The following PBX3 variants were observed in gnomAD, a reference collection of about 807,000 sequenced individuals.
PBX3 encodes the protein pre-B-cell leukemia transcription factor 3.
A neutral mutation model predicts 48.5 loss-of-function variants in PBX3; 14 were observed. That is an observed-to-expected ratio of 0.29 (90% CI 0.19 to 0.45). PBX3 has a LOEUF of 0.45. PBX3 is among the 20% of genes least tolerant of loss of function. The pLI, the probability that PBX3 is intolerant of heterozygous loss-of-function variation, is 1.00. For synonymous variants in PBX3, 210 were observed against 200.3 expected (o/e 1.05, Z -0.41); for missense variants, 386 against 546.7 (o/e 0.71, Z 2.93).
intron 2 of PBX3, among the ~76,000 whole-genome samples, chr9:125,861,520 A>G (rs963695755): frequency 4.6e-5 from 7 of 152,200 alleles, no homozygotes; most frequent in African/African-American, 1.4e-4. Flanking sequence ...TGCAGAAAAA[A>G]AATCACAGAT....
intron 2 of PBX3, among the ~76,000 whole-genome samples, chr9:125,831,231 C>T (rs1360137055): frequency 6.6e-6 from 1 of 152,146 alleles, no homozygotes; most frequent in Non-Finnish European, 1.5e-5. Flanking sequence ...AACGTTTAGT[C>T]ATCTTACTTT....
At chr9:125,773,637 A>G (rs1407029314) in intron 2 of PBX3, among the ~76,000 whole-genome samples, 1 of 152,230 alleles carries the variant, frequency 6.6e-6, no homozygotes, top group Non-Finnish European at 1.5e-5. Context: ...AGGAGAAAAC[A>G]AGGGCGTCTG....
intron 2 of PBX3, among the ~76,000 whole-genome samples, chr9:125,805,636 G>T (rs779071401): frequency 6.6e-6 from 1 of 152,166 alleles, no homozygotes; most frequent in African/African-American, 2.4e-5. Flanking sequence ...CTTGGAGATG[G>T]AACTTGGAAA....
At chr9:125,793,374 T>A (rs1486912776) in intron 2 of PBX3, among the ~76,000 whole-genome samples, 5 of 135,028 alleles carry the variant, frequency 3.7e-5, no homozygotes, top group African/African-American at 1.4e-4. Context: ...AAAATATATA[T>A]ATATATATAT....
intron 2 of PBX3, among the ~76,000 whole-genome samples, chr9:125,816,239 C>G (rs1163770524): frequency 6.6e-6 from 1 of 152,136 alleles, no homozygotes; most frequent in African/African-American, 2.4e-5. Context: ...CTCAAGTGAT[C>G]TGTGTGCCTT....
intron 2 of PBX3, among the ~76,000 whole-genome samples, chr9:125,897,052 T>C (rs1222343388): frequency 6.6e-6 from 1 of 151,862 alleles, no homozygotes; most frequent in African/African-American, 2.4e-5. Flanking sequence ...CTAAATGCTA[T>C]TGACTTTTGG....
rs563471868 is a variant in PBX3 at position 125,809,350 on chromosome 9, C to T, written c.274+60727C>T. ...CTTTATTTTATTCTTGGGAAAAAAT[C>T]TTTTTTCTTTTTTGGGGAGATGTGA... is the stretch of plus-strand genomic sequence containing the variant. On this transcript the variant is annotated intron_variant, in intron 2 of 8. Transcript: ENST00000373489. Among the ~76,000 whole-genome samples the T allele has an allele frequency of 2.7e-5, 4 of 150,740 alleles. No homozygotes were observed. In the South Asian group the frequency reaches 8.4e-4, roughly 32 times the overall value.
intron 2 of PBX3, among the ~76,000 whole-genome samples, chr9:125,814,584 G>A (rs1018574974): frequency 6.6e-6 from 1 of 152,088 alleles, no homozygotes; most frequent in African/African-American, 2.4e-5. Flanking sequence ...CCTAGAAAAA[G>A]ACCTGCTATC....
chr9:125,777,015 C>CTTTT (rs11446623), intron 2 of PBX3, among the ~76,000 whole-genome samples: 31 of 145,862 alleles, frequency 2.1e-4, no homozygotes, highest in African/African-American at 7.8e-4. Flanking sequence ...CTTTTCTTTT[C>CTTTT]TTTTTTTTTT....
rs201927712 is a variant in PBX3, at chr9:125,942,867, G to A, written c.843+7260G>A. Reference sequence around the variant, plus strand: ...TGAGGATGCTATAGCATGAAGTACAGATGAGGCATATCTGCAAGATTTAAA... The same window carrying A: ...TGAGGATGCTATAGCATGAAGTACAAATGAGGCATATCTGCAAGATTTAAA... On this transcript the variant is annotated intron_variant, in intron 5 of 8. Coordinates refer to ENST00000373489, the MANE Select transcript of PBX3 (RefSeq NM_006195.6). 3.9e-5 allele frequency among the ~76,000 whole-genome samples: 6 copies of A among 152,324 alleles called. No homozygotes were observed. The East Asian group carries it at 1.2e-3, about 29-fold the overall frequency.
chr9:125,747,598 A>C lies in PBX3; in HGVS notation c.145A>C (p.Ile49Leu), dbSNP rs759400160. 6.2e-7 allele frequency: 1 copy of C among 1,608,134 alleles called. No individual in the cohort carries two copies. The highest frequency in any genetic ancestry group is 8.5e-7 in the Non-Finnish European group (1 of 1,177,276). ...GDGRKQDIGD[I>L]LHQIMTITDQ... is the part of the protein sequence containing the mutation. ...CGGCAGGAAGCAGGACATCGGCGAC[A>C]TCCTCCACCAGATCATGACCATCAC... Residue 49 changes from isoleucine (I) to leucine (L), a missense_variant, in exon 1 of 9, where the codon ATC (isoleucine) becomes CTC (leucine). Coordinates refer to ENST00000373489, the MANE Select transcript of PBX3 (RefSeq NM_006195.6).
intron 2 of PBX3, among the ~76,000 whole-genome samples, chr9:125,775,026 C>T (rs1446575877): frequency 6.6e-6 from 1 of 152,018 alleles, no homozygotes; most frequent in Non-Finnish European, 1.5e-5. Context: ...GCCACTACAC[C>T]CAGCTAATTT....
chr9:125,862,167 G>T (rs1297416142), intron 2 of PBX3, among the ~76,000 whole-genome samples: 1 of 152,168 alleles, frequency 6.6e-6, no homozygotes, highest in African/African-American at 2.4e-5. Context: ...GTGTATACAA[G>T]AACTTGGTGT....
At chr9:125,785,039 C>T (rs1042441331) in intron 2 of PBX3, among the ~76,000 whole-genome samples, 1 of 152,234 alleles carries the variant, frequency 6.6e-6, no homozygotes. Context: ...TTTGCCTCAC[C>T]TAAAGTCTTT....
At chr9:125,921,960 C>T (rs1841466875) in intron 3 of PBX3, among the ~76,000 whole-genome samples, 1 of 152,088 alleles carries the variant, frequency 6.6e-6, no homozygotes, top group African/African-American at 2.4e-5. Flanking sequence ...GATCACTGAT[C>T]ATTATAAAAC....
At chr9:125,840,834 A>T (rs1199199591) in intron 2 of PBX3, among the ~76,000 whole-genome samples, 2 of 152,070 alleles carry the variant, frequency 1.3e-5, no homozygotes, top group African/African-American at 2.4e-5. Context: ...AGAAAAGGGC[A>T]TTGTAAAGAG....
At chr9:125,883,584 G>T (rs546991457) in intron 2 of PBX3, among the ~76,000 whole-genome samples, 1 of 151,142 alleles carries the variant, frequency 6.6e-6, no homozygotes, top group Non-Finnish European at 1.5e-5. Flanking sequence ...TCCTAGTTGC[G>T]TAGCCAATCT....
intron 3 of PBX3, among the ~76,000 whole-genome samples, chr9:125,923,087 G>T (rs1247639746): frequency 6.6e-6 from 1 of 152,214 alleles, no homozygotes. Flanking sequence ...TTCATAGATG[G>T]CTTCACTTAA....
At chr9:125,780,058 A>AG (rs1837211849) in intron 2 of PBX3, among the ~76,000 whole-genome samples, 1 of 70,370 alleles carries the variant, frequency 1.4e-5, no homozygotes, top group Non-Finnish European at 2.8e-5. Context: ...CTGGCCGGGC[A>AG]GGGGGCTGAC....
Sources: gnomAD v4.1 joint callset for allele counts (sites outside exome capture counted in the v4.1 genomes callset) on GRCh38, gnomAD v4.1.1 for gene constraint, MANE v1.5 for transcripts, NCBI Gene and HGNC (gene_info 2026-07-23, HGNC 2026-07-21) for gene names.